SLC4A4: variants seen among roughly 807,000 people sequenced by gnomAD.
The protein encoded by SLC4A4 is solute carrier family 4 member 4.
A neutral mutation model predicts 111.5 loss-of-function variants in SLC4A4; 27 were observed. The ratio of observed to expected loss-of-function variants is 0.24; its 90% CI spans 0.18 to 0.33. The LOEUF (loss-of-function observed/expected upper bound fraction) is 0.33. Ranked by LOEUF, SLC4A4 falls within the 10% of genes least tolerant of loss-of-function variation. The pLI, the probability that SLC4A4 is intolerant of heterozygous loss-of-function variation, is 1.00. For missense variants in SLC4A4, 909 were observed against 1,315.5 expected, an observed-to-expected ratio of 0.69 and a Z score of 4.78; for synonymous variants, 443 against 463.4, an observed-to-expected ratio of 0.96 and a Z score of 0.57.
intron 1 of SLC4A4, among the ~76,000 whole-genome samples, chr4:71,078,342 A>G (rs1382880150): frequency 1.3e-5 from 2 of 152,166 alleles, no homozygotes; most frequent in Admixed American, 6.5e-5. Context: ...TAAGTAGTAC[A>G]TAGCCTTTTT....
intron 1 of SLC4A4, among the ~76,000 whole-genome samples, chr4:71,071,822 T>G (rs1280944256): frequency 6.6e-6 from 1 of 152,258 alleles, no homozygotes; most frequent in Non-Finnish European, 1.5e-5. Flanking sequence ...GTTCTAATAT[T>G]TTGATATTTC....
intron 12 of SLC4A4, 62 bp downstream of exon 12, chr4:71,453,731 AGCTCAGT>A (rs1725970273): frequency 6.7e-7 from 1 of 1,486,984 alleles, no homozygotes. Flanking sequence ...TCACCCCTAC[AGCTCAGT>A]TAGAAGCAGA....
At chr4:71,218,495 A>C (rs1718560991) in intron 1 of SLC4A4, among the ~76,000 whole-genome samples, 1 of 152,190 alleles carries the variant, frequency 6.6e-6, no homozygotes, top group African/African-American at 2.4e-5. Context: ...TCACTGTAGA[A>C]AGCAATATTA....
intron 2 of SLC4A4, among the ~76,000 whole-genome samples, chr4:71,145,645 G>A (rs1293281492): frequency 6.6e-6 from 1 of 152,140 alleles, no homozygotes; most frequent in African/African-American, 2.4e-5. Context: ...GGTGTATTCA[G>A]AGATTCAACT....
chr4:71,165,953 G>C (rs922602065), intron 2 of SLC4A4, among the ~76,000 whole-genome samples: 1 of 152,092 alleles, frequency 6.6e-6, no homozygotes, highest in Non-Finnish European at 1.5e-5. Context: ...TTTTGAGCAA[G>C]TACCAATATT....
At position 71,493,573 on chromosome 4, in the gene SLC4A4, A is replaced by G. The variant is rs145855532; in HGVS notation, c.1975-3928A>G. ...AGTCCCTTTGGTCCTCAGGCACCAT[A>G]CATTTATCATTTTTAGCTTTTATCC... On this transcript the variant is annotated intron_variant, in intron 15 of 25. Transcript: ENST00000264485. Among the ~76,000 whole-genome samples the G allele has an allele frequency of 9.2e-3, 1,397 of 151,822 alleles. 25 individuals are homozygous for G. Among genetic ancestry groups the G allele is most frequent in the African/African-American group, 0.032 (1,305 of 41,414 alleles).
At chr4:71,134,041 A>C (rs775470278) in intron 2 of SLC4A4, among the ~76,000 whole-genome samples, 4 of 152,160 alleles carry the variant, frequency 2.6e-5, no homozygotes, top group Non-Finnish European at 5.9e-5. Context: ...TGTGCCAAGG[A>C]GGTGGGGAAC....
intron 1 of SLC4A4, among the ~76,000 whole-genome samples, chr4:71,078,868 G>T (rs1303741441): frequency 3.9e-5 from 6 of 152,004 alleles, no homozygotes; most frequent in Admixed American, 3.9e-4. Flanking sequence ...GCCCAGGTTG[G>T]AGTGCAATGG....
intron 18 of SLC4A4, 89 bp downstream of exon 18, chr4:71,534,477 G>T (rs1485309811): frequency 1.6e-6 from 2 of 1,275,852 alleles, no homozygotes; most frequent in African/African-American, 1.5e-5. Flanking sequence ...AGGGAGCTTT[G>T]TTGGGAGTTA....
intron 21 of SLC4A4, 22 bp from the exon 22 acceptor site, chr4:71,557,690 T>C (rs1490968203): frequency 6.2e-7 from 1 of 1,611,178 alleles, no homozygotes; most frequent in Non-Finnish European, 8.5e-7. Context: ...GCAGTTGGAC[T>C]CCTTTCCTCT....
Position 71,393,875 on chromosome 4 carries a change from T to G in SLC4A4, c.731-3702T>G, listed in dbSNP as rs534793008. Among the ~76,000 whole-genome samples, 4 of 152,216 alleles carry G rather than the reference T, an allele frequency of 2.6e-5. No homozygotes were observed. The East Asian group carries it at 7.7e-4, about 29-fold the overall frequency. On this transcript the variant is annotated intron_variant, in intron 6 of 25. Transcript: ENST00000264485. Reference sequence around the variant, plus strand: ...ATAAACCCAAATACTTACAACCAACTGATCTCCAACAAAGCAAACAAAAAC... The same window carrying G: ...ATAAACCCAAATACTTACAACCAACGGATCTCCAACAAAGCAAACAAAAAC...
rs565658616 is a variant in SLC4A4 at position 71,424,560 on chromosome 4, T to C, written c.808-16056T>C. 1.3e-5 allele frequency among the ~76,000 whole-genome samples: 2 copies of C among 152,200 alleles called. 1 individual carries two copies. The highest frequency in any genetic ancestry group is 3.9e-4 in the East Asian group (2 of 5,188). On this transcript the variant is annotated intron_variant, in intron 7 of 25. Coordinates refer to ENST00000264485, the MANE Select transcript of SLC4A4 (RefSeq NM_001098484.3). ...TGCACACGTATGTTTATTGTGGCACTATTCACAATAGCAAAGACTTGGAAC... is the reference window on the plus strand; with the variant it reads ...TGCACACGTATGTTTATTGTGGCACCATTCACAATAGCAAAGACTTGGAAC...
chr4:71,072,260 A>G (rs556139790), intron 1 of SLC4A4, among the ~76,000 whole-genome samples: 4 of 152,268 alleles, frequency 2.6e-5, no homozygotes, highest in South Asian at 4.1e-4. Context: ...TTATTTTGGT[A>G]TGAAGGATAT....
At chr4:71,268,062 C>T (rs1722418573) in intron 3 of SLC4A4, among the ~76,000 whole-genome samples, 1 of 125,088 alleles carries the variant, frequency 8.0e-6, no homozygotes, top group Non-Finnish European at 1.6e-5. Context: ...ATCAGTGTGC[C>T]AAATAAAGTA....
At chr4:71,293,087 C>T (rs150493889) in intron 3 of SLC4A4, among the ~76,000 whole-genome samples, 16,433 of 149,676 alleles carry the variant, frequency 0.11, 991 homozygotes, top group South Asian at 0.28. Flanking sequence ...GTGATCCACC[C>T]GCTTCGGCCT....
At chr4:71,279,782 CTTG>C (rs950241645) in intron 3 of SLC4A4, among the ~76,000 whole-genome samples, 1 of 151,882 alleles carries the variant, frequency 6.6e-6, no homozygotes, top group African/African-American at 2.4e-5. Flanking sequence ...CTTGCCAGTG[CTTG>C]TTATTTTTTT....
chr4:71,395,639 C>T (rs143481271), intron 6 of SLC4A4, among the ~76,000 whole-genome samples: 11 of 152,262 alleles, frequency 7.2e-5, no homozygotes, highest in African/African-American at 2.6e-4. Flanking sequence ...TGGCTTCTAC[C>T]TATTCAGATT....
chr4:71,172,583 C>A (rs912904461), intron 2 of SLC4A4, among the ~76,000 whole-genome samples: 1 of 152,154 alleles, frequency 6.6e-6, no homozygotes, highest in African/African-American at 2.4e-5. Flanking sequence ...CAAATGTTTG[C>A]AGAATATGAA....
intron 4 of SLC4A4, among the ~76,000 whole-genome samples, chr4:71,341,366 C>A (rs1043343134): frequency 2.0e-5 from 3 of 152,136 alleles, no homozygotes; most frequent in Non-Finnish European, 4.4e-5. Flanking sequence ...TGAAAGTCTT[C>A]TTCTGTGGTT....
Sources: gnomAD v4.1 joint callset for allele counts (sites outside exome capture counted in the v4.1 genomes callset) on GRCh38, gnomAD v4.1.1 for gene constraint, MANE v1.5 for transcripts, NCBI Gene and HGNC (gene_info 2026-07-23, HGNC 2026-07-21) for gene names.